The following HACL1 variants were observed in gnomAD, a reference collection of about 807,000 sequenced individuals.
HACL1 encodes the protein 2-hydroxyacyl-CoA lyase 1.
A neutral mutation model predicts 74.2 loss-of-function variants in HACL1; 64 were observed. That is an observed-to-expected ratio of 0.86 (90% CI 0.70 to 1.06). The LOEUF is 1.06. Ranked by LOEUF, HACL1 falls within the 50% of genes least tolerant of loss-of-function variation. The pLI is 0.00. For synonymous variants in HACL1, 230 were observed against 238.8 expected (o/e 0.96, Z 0.34); for missense variants, 728 against 719.7 (o/e 1.01, Z -0.13).
chr3:15,578,908 T>G (rs1212259600), intron 9 of HACL1, among the ~76,000 whole-genome samples: 1 of 151,918 alleles, frequency 6.6e-6, no homozygotes, highest in Non-Finnish European at 1.5e-5. Context: ...AGAGTGGGGG[T>G]GTGGAGCCTA....
chr3:15,590,024 G>C (rs892200240), intron 4 of HACL1, among the ~76,000 whole-genome samples: 2 of 151,444 alleles, frequency 1.3e-5, no homozygotes, highest in African/African-American at 4.8e-5. Flanking sequence ...AACAGAGCAA[G>C]ACTCTGTCTC....
chr3:15,589,312 C>T (rs1320901202), intron 5 of HACL1, among the ~76,000 whole-genome samples: 1 of 152,132 alleles, frequency 6.6e-6, no homozygotes, highest in East Asian at 1.9e-4. Context: ...GCCTGGGCAA[C>T]ATGGTGAAAC....
intron 15 of HACL1, among the ~76,000 whole-genome samples, chr3:15,564,179 A>T (rs2063393360): frequency 6.6e-6 from 1 of 152,244 alleles, no homozygotes. Flanking sequence ...TGGTGAAAGG[A>T]AGGTAGACCT....
intron 4 of HACL1, among the ~76,000 whole-genome samples, chr3:15,591,005 T>A (rs555885291): frequency 6.6e-6 from 1 of 152,286 alleles, no homozygotes; most frequent in East Asian, 1.9e-4. Context: ...CACTTGAACC[T>A]GGGAGGCAGA....
chr3:15,567,781 G>T, intron 14 of HACL1, 63 bp downstream of exon 14: 1 of 1,436,526 alleles, frequency 7.0e-7, no homozygotes, highest in South Asian at 1.2e-5. Context: ...AGGTGACTGG[G>T]TCTTGTGTGT....
chr3:15,591,879 C>A (rs2063903571), intron 3 of HACL1, among the ~76,000 whole-genome samples, 199 bp from the exon 4 acceptor site: 1 of 150,134 alleles, frequency 6.7e-6, no homozygotes, highest in African/African-American at 2.5e-5. Flanking sequence ...TACATACACA[C>A]ATATACGTAT....
intron 8 of HACL1, among the ~76,000 whole-genome samples, chr3:15,580,468 T>G (rs2063700814): frequency 6.6e-6 from 1 of 152,190 alleles, no homozygotes; most frequent in Non-Finnish European, 1.5e-5. Context: ...CAAAACAAAT[T>G]GTGATTACAG....
Position 15,580,847 on chromosome 3 carries a change from A to G in HACL1, c.668-802T>C, listed in dbSNP as rs2063705950. Among the ~76,000 whole-genome samples, 4 of 152,352 alleles carry G rather than the reference A, an allele frequency of 2.6e-5. 1 individual carries two copies. The South Asian group carries it at 8.3e-4, about 32-fold the overall frequency. On this transcript the variant is annotated intron_variant, in intron 8 of 16. Transcript: ENST00000321169. ...TCTAAAGATCTGCAGATCTTTCTAC[A>G]GGCTCTGTAATTCTGTGATTGTAAC...
intron 3 of HACL1, among the ~76,000 whole-genome samples, chr3:15,595,358 C>A (rs1327781418): frequency 6.6e-6 from 1 of 151,968 alleles, no homozygotes; most frequent in Non-Finnish European, 1.5e-5. Context: ...AGAAAAAAAA[C>A]TATTCTGGTG....
intron 9 of HACL1, among the ~76,000 whole-genome samples, chr3:15,578,671 A>T (rs555616713): frequency 6.6e-6 from 1 of 152,282 alleles, no homozygotes; most frequent in South Asian, 2.1e-4. Flanking sequence ...CTCTGAGGGC[A>T]GCCTTACTGC....
At chr3:15,569,588 G>A (rs753124444) in intron 12 of HACL1, among the ~76,000 whole-genome samples, 4 of 151,878 alleles carry the variant, frequency 2.6e-5, no homozygotes, top group South Asian at 2.1e-4. Flanking sequence ...TTGGGAGGCC[G>A]AGGTGGGCAG....
chr3:15,592,123 C>A (rs1017387755), intron 3 of HACL1, among the ~76,000 whole-genome samples: 1 of 146,462 alleles, frequency 6.8e-6, no homozygotes, highest in Non-Finnish European at 1.5e-5. Context: ...ACACTATATA[C>A]GTATACATAC....
At position 15,593,420 on chromosome 3, in the gene HACL1, T is replaced by A. The variant is rs183785943; in HGVS notation, c.228-1740A>T. On this transcript the variant is annotated intron_variant, in intron 3 of 16. Transcript: ENST00000321169. The stretch of plus-strand genomic sequence containing the variant: ...TTTTGGTAGAGATGGGGTTTCACCA[T>A]GTTGCCCAGGCTGGTCTTGAACTCC... Among the ~76,000 whole-genome samples the A allele has an allele frequency of 3.9e-3, 592 of 152,070 alleles. 2 individuals carry two copies. The highest frequency in any genetic ancestry group is 4.4e-3 in the Non-Finnish European group (298 of 67,982).
At position 15,568,551 on chromosome 3, in the gene HACL1, A is replaced by G. The variant is rs1457837020; in HGVS notation, c.1131T>C (p.Tyr377=). Residue 377 remains tyrosine, a synonymous_variant, in exon 13 of 17, where the codon TAT becomes TAC. Coordinates refer to ENST00000321169, the MANE Select transcript of HACL1 (RefSeq NM_012260.4). ...LASKKSLPMN[Y]YTVFYHVQEQ... is the part of the protein sequence containing the mutation. Reference sequence around the variant, plus strand: ...CTTGAACATGGTAGAATACTGTGTAATAATTCATAGGCAGGGATTTTTTAG... The same window carrying G: ...CTTGAACATGGTAGAATACTGTGTAGTAATTCATAGGCAGGGATTTTTTAG... The G allele has an allele frequency of 4.4e-6, 7 of 1,577,312 alleles. No homozygotes were observed. The highest frequency in any genetic ancestry group is 6.1e-6 in the Non-Finnish European group (7 of 1,153,018).
chr3:15,573,825 T>C (rs1388942394), intron 10 of HACL1, among the ~76,000 whole-genome samples: 2 of 152,240 alleles, frequency 1.3e-5, no homozygotes, highest in East Asian at 3.8e-4. Flanking sequence ...AGAAGTTCCA[T>C]GTCTGGATGG....
At chr3:15,591,781 C>T (rs541316754) in intron 3 of HACL1, 101 bp from the exon 4 acceptor site, 1 of 679,704 alleles carries the variant, frequency 1.5e-6, no homozygotes, top group East Asian at 2.9e-5. Flanking sequence ...AAAGGAAGGA[C>T]ATACAAGTCT....
At chr3:15,581,935 T>C (rs984810784) in intron 8 of HACL1, among the ~76,000 whole-genome samples, 2 of 152,216 alleles carry the variant, frequency 1.3e-5, no homozygotes, top group Admixed American at 1.3e-4. Flanking sequence ...TTTAATTATA[T>C]CCTATTGAGG....
intron 14 of HACL1, among the ~76,000 whole-genome samples, chr3:15,564,907 C>T (rs996967850): frequency 6.6e-5 from 10 of 152,204 alleles, no homozygotes; most frequent in Admixed American, 5.9e-4. Flanking sequence ...TGGCTCATGC[C>T]TGTAATCCCA....
rs568121698 is a variant in HACL1, at chr3:15,595,620, T to G, written c.227+764A>C. On this transcript the variant is annotated intron_variant, in intron 3 of 16. Transcript: ENST00000321169. ...TCTTTTTTCCTTTTTTTTTTTTTTT[T>G]TTTTTTTGAGACGGAGTCTCACTCT... Among the ~76,000 whole-genome samples the G allele has an allele frequency of 6.4e-3, 920 of 144,092 alleles. 3 individuals are homozygous for G. Among genetic ancestry groups the G allele is most frequent in the Non-Finnish European group, 9.0e-3 (595 of 65,808 alleles). The allele number at this position is 144,092 out of a possible 152,430, so 94.5% of individuals were successfully genotyped here.
Sources: gnomAD v4.1 joint callset for allele counts (sites outside exome capture counted in the v4.1 genomes callset) on GRCh38, gnomAD v4.1.1 for gene constraint, MANE v1.5 for transcripts, NCBI Gene and HGNC (gene_info 2026-07-23, HGNC 2026-07-21) for gene names.